CFAP77: variants seen among roughly 807,000 people sequenced by gnomAD.
CFAP77 encodes the protein cilia- and flagella-associated protein 77.
CFAP77 carries 25 observed loss-of-function variants against 31.1 expected under a neutral mutation model. The ratio of observed to expected loss-of-function variants is 0.80; its 90% CI spans 0.59 to 1.12. The LOEUF is 1.12. CFAP77 is among the 50% of genes most tolerant of loss of function. The pLI, the probability that CFAP77 is intolerant of heterozygous loss-of-function variation, is 0.00. For missense variants in CFAP77, 377 were observed against 397.3 expected, an observed-to-expected ratio of 0.95 and a Z score of 0.44; for synonymous variants, 151 against 159.9, an observed-to-expected ratio of 0.94 and a Z score of 0.42.
chr9:132,461,848 A>G lies in CFAP77; in HGVS notation c.196-36847A>G, dbSNP rs376779918. Among the ~76,000 whole-genome samples the G allele has an allele frequency of 9.2e-3, 1,400 of 152,210 alleles. 24 individuals carry two copies. Among genetic ancestry groups the G allele is most frequent in the African/African-American group, 0.032 (1,328 of 41,518 alleles). The stretch of plus-strand genomic sequence containing the variant: ...TCATCCGCCTCACAGAGTGGCTGCG[A>G]TTTCCCCCCGTTTCTGCTCTAGAGC... On this transcript the variant is annotated intron_variant, in intron 1 of 5. Transcript: ENST00000393216.
intron 1 of CFAP77, among the ~76,000 whole-genome samples, chr9:132,492,228 T>TA (rs1564225858): frequency 6.6e-6 from 1 of 152,092 alleles, no homozygotes; most frequent in Non-Finnish European, 1.5e-5. Flanking sequence ...GTCGAGGCTG[T>TA]AGCAAGCTGT....
chr9:132,487,964 C>T (rs1269713741), intron 1 of CFAP77, among the ~76,000 whole-genome samples: 1 of 152,010 alleles, frequency 6.6e-6, no homozygotes, highest in Non-Finnish European at 1.5e-5. Context: ...AATGAACTAC[C>T]CCCCCATGAG....
chr9:132,429,290 C>A (rs958249054), intron 1 of CFAP77, among the ~76,000 whole-genome samples: 1 of 151,950 alleles, frequency 6.6e-6, no homozygotes, highest in Non-Finnish European at 1.5e-5. Flanking sequence ...CCTGTAAACC[C>A]AGCACTTTGG....
chr9:132,567,763 T>C (rs959237535), intron 5 of CFAP77, among the ~76,000 whole-genome samples: 3 of 152,200 alleles, frequency 2.0e-5, no homozygotes, highest in Admixed American at 2.0e-4. Flanking sequence ...CAATCCTCCC[T>C]GCCTCCTCCA....
intron 1 of CFAP77, among the ~76,000 whole-genome samples, chr9:132,462,204 C>A (rs530467): frequency 0.06 from 9,178 of 152,032 alleles, 670 homozygotes; most frequent in African/African-American, 0.18. Context: ...TCCCCTGGGA[C>A]GGAGGGAAGA....
intron 1 of CFAP77, among the ~76,000 whole-genome samples, chr9:132,438,317 T>G (rs569448442): frequency 1.3e-5 from 2 of 151,400 alleles, no homozygotes; most frequent in Non-Finnish European, 2.9e-5. Context: ...TTTAATGATG[T>G]TCCTATTTTA....
At chr9:132,493,875 T>C (rs1427995949) in intron 1 of CFAP77, among the ~76,000 whole-genome samples, 3 of 151,972 alleles carry the variant, frequency 2.0e-5, no homozygotes, top group South Asian at 2.1e-4. Flanking sequence ...TTTTCTTTTC[T>C]TTCCTTTTCT....
In CFAP77 at chr9:132,542,964, T is replaced by C. The variant is rs1454512522; in HGVS notation, c.649T>C (p.Tyr217His). Residue 217 changes from tyrosine to histidine, a missense_variant, in exon 5 of 6, where the codon TAT becomes CAT. Coordinates refer to ENST00000393216, the MANE Select transcript of CFAP77 (RefSeq NM_001282957.2). ...CCTACAGGTGGTCCTTGGGAAGCTG[T>C]ATGAGACCCGGAGCAGTCAGCTGAG... is the stretch of plus-strand genomic sequence containing the variant. Reference protein sequence around the residue: ...KKQKVVLGKLYETRSSQLRKY... With the variant: ...KKQKVVLGKLHETRSSQLRKY... The C allele has an allele frequency of 1.9e-6, 3 of 1,614,120 alleles. No individual in the cohort carries two copies. The highest frequency in any genetic ancestry group is 2.5e-6 in the Non-Finnish European group (3 of 1,180,000).
At chr9:132,452,182 G>T (rs558022384) in intron 1 of CFAP77, among the ~76,000 whole-genome samples, 27 of 152,284 alleles carry the variant, frequency 1.8e-4, no homozygotes, top group African/African-American at 6.5e-4. Flanking sequence ...TGTCTGCAGG[G>T]TGGGTCACAA....
chr9:132,433,268 G>A (rs1850444111), intron 1 of CFAP77, among the ~76,000 whole-genome samples: 1 of 152,190 alleles, frequency 6.6e-6, no homozygotes, highest in African/African-American at 2.4e-5. Flanking sequence ...CAATGGTAAG[G>A]GCCTGAGAAA....
intron 1 of CFAP77, among the ~76,000 whole-genome samples, chr9:132,429,537 CAAA>C (rs762588728): frequency 0.084 from 3,247 of 38,850 alleles, 18 homozygotes; most frequent in Non-Finnish European, 0.12. Context: ...GACTTCAACT[CAAA>C]AAAAAAAAAA....
chr9:132,419,252 C>T (rs1162334489), intron 1 of CFAP77, among the ~76,000 whole-genome samples: 3 of 151,850 alleles, frequency 2.0e-5, no homozygotes, highest in South Asian at 2.1e-4. Context: ...TTGTGTGGAT[C>T]GAAATCTTTT....
intron 1 of CFAP77, among the ~76,000 whole-genome samples, chr9:132,472,872 CTT>C (rs913763544): frequency 2.6e-5 from 4 of 152,168 alleles, no homozygotes; most frequent in Admixed American, 6.5e-5. Flanking sequence ...GAAATTGCTT[CTT>C]TTTCCAGTTA....
At chr9:132,570,022 T>G (rs1829937255) in intron 5 of CFAP77, among the ~76,000 whole-genome samples, 1 of 152,124 alleles carries the variant, frequency 6.6e-6, no homozygotes, top group Admixed American at 6.6e-5. Context: ...TGTGAGCCAC[T>G]GCTCCCAGCC....
At chr9:132,492,221 G>A (rs141301194) in intron 1 of CFAP77, among the ~76,000 whole-genome samples, 44 of 152,232 alleles carry the variant, frequency 2.9e-4, no homozygotes, top group East Asian at 9.6e-4. Context: ...CTGGAATGTC[G>A]AGGCTGTAGC....
At chr9:132,559,832 TAC>T (rs941009695) in intron 5 of CFAP77, among the ~76,000 whole-genome samples, 5 of 152,236 alleles carry the variant, frequency 3.3e-5, no homozygotes, top group African/African-American at 1.2e-4. Context: ...TACAAAGGAA[TAC>T]TATTCCCTGG....
At chr9:132,448,638 G>A (rs1850768157) in intron 1 of CFAP77, among the ~76,000 whole-genome samples, 1 of 152,148 alleles carries the variant, frequency 6.6e-6, no homozygotes. Context: ...CCAGGCTGGA[G>A]TGCAATGGTG....
Position 132,531,204 on chromosome 9 carries a change from C to T in CFAP77, c.525-6397C>T, listed in dbSNP as rs2119039762. On this transcript the variant is annotated intron_variant, in intron 3 of 5. Transcript: ENST00000393216. ...TGTCTCCTTCCCCCCTTCCCTCCCG[C>T]CATGTGTCCTCTCTTTCTCTCTCAG... 2.0e-5 allele frequency among the ~76,000 whole-genome samples: 3 copies of T among 152,330 alleles called. No homozygotes were observed. The South Asian group carries it at 6.2e-4, about 32-fold the overall frequency.
At chr9:132,513,229 T>C in intron 3 of CFAP77, 1 of 1,536,278 alleles carries the variant, frequency 6.5e-7, no homozygotes, top group Non-Finnish European at 8.8e-7. Context: ...GCAAAACATT[T>C]TAACCAATCC....
Sources: gnomAD v4.1 joint callset for allele counts (sites outside exome capture counted in the v4.1 genomes callset) on GRCh38, gnomAD v4.1.1 for gene constraint, MANE v1.5 for transcripts, NCBI Gene and HGNC (gene_info 2026-07-23, HGNC 2026-07-21) for gene names.